PSG7: variants seen among roughly 807,000 people sequenced by gnomAD.
The protein encoded by PSG7 is pregnancy specific beta-1-glycoprotein 7, also known as pregnancy-specific beta-1-glycoprotein 7.
In PSG7, 57 loss-of-function variants were observed where a neutral mutation model predicts 45.6. The observed-to-expected ratio is 1.25, with a 90% confidence interval of 1.01 to 1.56. The LOEUF (loss-of-function observed/expected upper bound fraction) is 1.56, where lower values mean the gene tolerates loss of function less well. Among genes scored for constraint, PSG7 ranks in the 40% most tolerant of loss-of-function variants. PSG7 has a pLI of 0.00. For missense variants in PSG7, 796 were observed against 508.4 expected, an observed-to-expected ratio of 1.57 and a Z score of -5.44; for synonymous variants, 298 against 194.4, an observed-to-expected ratio of 1.53 and a Z score of -4.43.
At chr19:42,930,635 G>A (rs1348795047) in intron 2 of PSG7, among the ~76,000 whole-genome samples, 1 of 151,770 alleles carries the variant, frequency 6.6e-6, no homozygotes, top group Non-Finnish European at 1.5e-5. Context: ...TATTTGGGAA[G>A]AAGTCTTGCA....
At chr19:42,926,338 C>A in intron 4 of PSG7, 100 bp downstream of exon 4, 1 of 1,566,492 alleles carries the variant, frequency 6.4e-7, no homozygotes, top group Non-Finnish European at 8.6e-7. Flanking sequence ...TATGTCTATA[C>A]TTGGACCGGA....
rs777880936 is a variant in PSG7 at position 42,924,391 on chromosome 19, G to A, written c.*417C>T. The A allele has an allele frequency of 2.2e-6, 1 of 445,678 alleles. No individual in the cohort carries two copies. The highest frequency in any genetic ancestry group is 8.1e-5 in the South Asian group (1 of 12,418). The allele number at this position is 445,678 out of a possible 1,614,324, so 27.6% of individuals were successfully genotyped here. On this transcript the variant is annotated 3_prime_UTR_variant, in exon 6 of 6. Coordinates refer to ENST00000406070, the MANE Select transcript of PSG7 (RefSeq NM_002783.3). The stretch of plus-strand genomic sequence containing the variant: ...TTTCCTCCTGAGATGTTATGTAAAA[G>A]TCTGAGGTTGAGATGACATATCTGA...
chr19:42,926,307 G>C, intron 4 of PSG7, 131 bp downstream of exon 4: 13 of 1,523,860 alleles, frequency 8.5e-6, no homozygotes, highest in Middle Eastern at 2.4e-4. Flanking sequence ...GTCATGGCCA[G>C]CTCGGATGTC....
Position 42,926,509 on chromosome 19 carries a change from C to A in PSG7, c.917G>T (p.Gly306Val), listed in dbSNP as rs1434400062. ...GTCCCGTATTTCACATTGATAGGGTCCTGTTTCATTTCTCGTGACACTGGG... is the reference window on the plus strand; with the variant it reads ...GTCCCGTATTTCACATTGATAGGGTACTGTTTCATTTCTCGTGACACTGGG... ...ILPSVTRNET[G>V]PYQCEIRDRY... The change falls in exon 4 of 6, where the codon GGA (glycine) becomes GTA (valine). Residue 306 changes from glycine (G) to valine (V), a missense_variant. Coordinates refer to ENST00000406070, the MANE Select transcript of PSG7 (RefSeq NM_002783.3). 1 of 1,611,114 alleles carries A rather than the reference C, an allele frequency of 6.2e-7. No individual in the cohort carries two copies. Among genetic ancestry groups the A allele is most frequent in the African/African-American group, 1.3e-5 (1 of 74,522 alleles).
intron 2 of PSG7, among the ~76,000 whole-genome samples, chr19:42,931,391 C>T (rs909418430): frequency 6.6e-6 from 1 of 151,418 alleles, no homozygotes; most frequent in Non-Finnish European, 1.5e-5. Context: ...GTTAAAAGGA[C>T]AGAACTGGTC....
At chr19:42,933,292 T>TAC (rs1973068301) in intron 2 of PSG7, among the ~76,000 whole-genome samples, 9 of 13,404 alleles carry the variant, frequency 6.7e-4, no homozygotes, top group African/African-American at 1.4e-3. Context: ...TATATATATA[T>TAC]ATATATATAT....
At chr19:42,930,596 C>T (rs547907761) in intron 2 of PSG7, among the ~76,000 whole-genome samples, 2 of 151,752 alleles carry the variant, frequency 1.3e-5, no homozygotes, top group Admixed American at 6.6e-5. Flanking sequence ...TCCTCATGGA[C>T]CATATGTGTT....
At chr19:42,925,029 G>A in intron 5 of PSG7, 1 of 603,454 alleles carries the variant, frequency 1.7e-6, no homozygotes, top group South Asian at 2.1e-5. Flanking sequence ...TGCAGCAAGA[G>A]TAGCAATGGA....
rs375433199 is a variant in PSG7 at position 42,935,489 on chromosome 19, T to G, written c.345A>C (p.Glu115Asp). Residue 115 changes from glutamate (E) to aspartate (D), a missense_variant, in exon 2 of 6, where the codon GAA (glutamate) becomes GAC (aspartate). By Grantham distance (45) the Glu-to-Asp change is conservative. Coordinates refer to ENST00000406070, the MANE Select transcript of PSG7 (RefSeq NM_002783.3). ...TGTGTAAAGTGTAGGATCCTGTGTCTTCCTGGGTGACATTCTGGATCAGCA... is the reference window on the plus strand; with the variant it reads ...TGTGTAAAGTGTAGGATCCTGTGTCGTCCTGGGTGACATTCTGGATCAGCA... ...ASLLIQNVTQ[E>D]DTGSYTLHII... is the part of the protein sequence containing the mutation. 2.1e-5 allele frequency: 34 copies of G among 1,612,080 alleles called. No individual in the cohort carries two copies. The highest frequency in any genetic ancestry group is 2.8e-5 in the Non-Finnish European group (33 of 1,179,034).
At chr19:42,934,772 G>A (rs1401598686) in intron 2 of PSG7, among the ~76,000 whole-genome samples, 4 of 151,724 alleles carry the variant, frequency 2.6e-5, no homozygotes, top group Admixed American at 2.6e-4. Flanking sequence ...GCAGTTGGCT[G>A]ATGGCCTACA....
chr19:42,926,345 C>G lies in PSG7; in HGVS notation c.988+93G>C, dbSNP rs546258430. 7 of 1,572,724 alleles carry G rather than the reference C, an allele frequency of 4.5e-6. No individual in the cohort carries two copies. In the South Asian group the frequency reaches 8.5e-5, roughly 19 times the overall value. ...GAAGTAAATATGTCTATACTTGGAC[C>G]GGAGAGAGACTGAGAGGACTGGCCT... On this transcript the variant is annotated intron_variant, in intron 4 of 5. Coordinates refer to ENST00000406070, the MANE Select transcript of PSG7 (RefSeq NM_002783.3).
At chr19:42,930,599 T>C (rs537115058) in intron 2 of PSG7, among the ~76,000 whole-genome samples, 1 of 151,824 alleles carries the variant, frequency 6.6e-6, no homozygotes, top group South Asian at 2.1e-4. Context: ...TCATGGACCA[T>C]ATGTGTTTGG....
intron 2 of PSG7, among the ~76,000 whole-genome samples, chr19:42,934,355 G>C (rs140646180): frequency 0.16 from 23,627 of 151,168 alleles, 2,370 homozygotes; most frequent in African/African-American, 0.2. Context: ...AGTATGGGGT[G>C]CTTGGAACCC....
intron 2 of PSG7, among the ~76,000 whole-genome samples, chr19:42,934,142 A>T (rs544321375): frequency 6.6e-6 from 1 of 151,608 alleles, no homozygotes; most frequent in Admixed American, 6.6e-5. Flanking sequence ...TGACAGTGAC[A>T]TGGGAACTTT....
At chr19:42,924,893 T>A (rs367791566) in intron 5 of PSG7, 69 bp from the exon 6 acceptor site, 42 of 762,638 alleles carry the variant, frequency 5.5e-5, no homozygotes, top group East Asian at 3.6e-4. Flanking sequence ...GTACTACGGT[T>A]TTATTTTCCA....
In PSG7 at chr19:42,935,698, A is replaced by C. The variant is rs782436886; in HGVS notation, c.136T>G (p.Ser46Ala). ...VTIEAQPPKVSEGKDVLLLVH... is the reference protein window; with the variant it reads ...VTIEAQPPKVAEGKDVLLLVH... ...AGTAGAAGAACATCCTTCCCCTCGG[A>C]AACTTTTGGTGGCTGGGCTTCAATC... The change falls in exon 2 of 6, where the codon TCC (serine) becomes GCC (alanine). Residue 46 changes from serine to alanine, a missense_variant. By Grantham distance (99) the Ser-to-Ala change is moderately conservative (BLOSUM62 1). Coordinates refer to ENST00000406070, the MANE Select transcript of PSG7 (RefSeq NM_002783.3). 6.2e-7 allele frequency: 1 copy of C among 1,611,946 alleles called. No individual in the cohort carries two copies. The highest frequency in any genetic ancestry group is 1.1e-5 in the South Asian group (1 of 90,780).
intron 5 of PSG7, 168 bp from the exon 6 acceptor site, chr19:42,924,992 C>T (rs1972494360): frequency 1.6e-6 from 1 of 635,554 alleles, no homozygotes; most frequent in Middle Eastern, 3.6e-4. Flanking sequence ...TGAGTTTCTT[C>T]AAACTTGGTC....
At position 42,926,585 on chromosome 19, in the gene PSG7, G is replaced by C; in HGVS notation, c.841C>G (p.Pro281Ala). Residue 281 changes from proline to alanine, a missense_variant, in exon 4 of 6, where the codon CCG becomes GCG. By Grantham distance (27) the Pro-to-Ala change is conservative. Coordinates refer to ENST00000406070, the MANE Select transcript of PSG7 (RefSeq NM_002783.3). The part of the protein sequence containing the change: ...YIWWLNGQSL[P>A]VSPRVKRRIE... ...CGTCGCTTTACCCTGGGACTGACCG[G>C]GAGGCTCTGACCATTTAGCCACCAA... 7 of 1,610,270 alleles carry C rather than the reference G, an allele frequency of 4.3e-6. No individual in the cohort carries two copies. Among genetic ancestry groups the C allele is most frequent in the Non-Finnish European group, 5.9e-6 (7 of 1,179,020 alleles).
chr19:42,924,311 T>A lies in PSG7; in HGVS notation c.*497A>T. 2.8e-6 allele frequency: 1 copy of A among 355,182 alleles called. No individual in the cohort carries two copies. Among genetic ancestry groups the A allele is most frequent in the Non-Finnish European group, 5.0e-6 (1 of 198,968 alleles). The allele number at this position is 355,182 out of a possible 1,614,324, so 22.0% of individuals were successfully genotyped here. On this transcript the variant is annotated 3_prime_UTR_variant, in exon 6 of 6. Transcript: ENST00000406070. ...ATCTTCTCTGCAAACACACAGGCAATATCTCTGTGTTCATTTCTATTGGGA... is the reference window on the plus strand; with the variant it reads ...ATCTTCTCTGCAAACACACAGGCAAAATCTCTGTGTTCATTTCTATTGGGA...
Sources: gnomAD v4.1 joint callset for allele counts (sites outside exome capture counted in the v4.1 genomes callset) on GRCh38, gnomAD v4.1.1 for gene constraint, MANE v1.5 for transcripts, NCBI Gene and HGNC (gene_info 2026-07-23, HGNC 2026-07-21) for gene names.